The following TEX36 variants were observed in gnomAD, a reference collection of about 807,000 sequenced individuals.
The protein encoded by TEX36 is testis-expressed protein 36.
Under a neutral mutation model 13.6 loss-of-function variants are expected in TEX36, and 12 were observed. The observed-to-expected ratio is 0.88, with a 90% CI of 0.56 to 1.43. The LOEUF (loss-of-function observed/expected upper bound fraction) is 1.43, where lower values mean the gene tolerates loss of function less well. Ranked by LOEUF, TEX36 falls within the 40% of genes most tolerant of loss-of-function variation. The pLI is 0.00. For missense variants in TEX36, 224 were observed against 228.3 expected (o/e 0.98, Z 0.12); for synonymous variants, 93 against 83.0 (o/e 1.12, Z -0.65).
intron 3 of TEX36, among the ~76,000 whole-genome samples, chr10:125,630,459 C>T (rs1362747242): frequency 6.6e-6 from 1 of 152,052 alleles, no homozygotes; most frequent in Non-Finnish European, 1.5e-5. Flanking sequence ...AGCACAGTGG[C>T]TGTGTTGCAA....
chr10:125,578,359 C>T (rs1238286398), intron 3 of TEX36: 2 of 152,300 alleles, frequency 1.3e-5, no homozygotes, highest in East Asian at 3.9e-4. Flanking sequence ...ATCCCTGGGT[C>T]ACACAAGGAT....
intron 3 of TEX36, among the ~76,000 whole-genome samples, chr10:125,614,217 C>T (rs1846327828): frequency 6.6e-6 from 1 of 152,066 alleles, no homozygotes; most frequent in African/African-American, 2.4e-5. Flanking sequence ...AAAATTTTCT[C>T]CCATTTTGTA....
chr10:125,669,169 T>C (rs943886783), intron 1 of TEX36, among the ~76,000 whole-genome samples: 5 of 152,154 alleles, frequency 3.3e-5, no homozygotes, highest in African/African-American at 1.2e-4. Context: ...TGTGCACCTG[T>C]AGTCCCAGCT....
chr10:125,585,563 T>A (rs913007242), intron 3 of TEX36, among the ~76,000 whole-genome samples: 3 of 152,200 alleles, frequency 2.0e-5, no homozygotes, highest in African/African-American at 7.2e-5. Flanking sequence ...GGAAGGTCAC[T>A]CTGATCTCTC....
intron 3 of TEX36, among the ~76,000 whole-genome samples, chr10:125,612,854 A>T (rs998581772): frequency 1.3e-5 from 2 of 152,004 alleles, no homozygotes; most frequent in Non-Finnish European, 2.9e-5. Flanking sequence ...AAATGGCTAG[A>T]TTTCATTTGG....
At chr10:125,624,039 T>C (rs928710610) in intron 3 of TEX36, among the ~76,000 whole-genome samples, 1 of 152,252 alleles carries the variant, frequency 6.6e-6, no homozygotes, top group Non-Finnish European at 1.5e-5. Context: ...TCATTAATTC[T>C]CTATGTCTCT....
intron 3 of TEX36, among the ~76,000 whole-genome samples, chr10:125,590,250 C>G (rs908761336): frequency 5.9e-5 from 9 of 151,978 alleles, no homozygotes; most frequent in African/African-American, 2.2e-4. Flanking sequence ...GCCAGGACTA[C>G]AGGTGAGTGG....
intron 3 of TEX36, among the ~76,000 whole-genome samples, chr10:125,636,355 G>A (rs749463160): frequency 6.6e-5 from 10 of 151,046 alleles, no homozygotes; most frequent in African/African-American, 7.3e-5. Context: ...ACAGGCGCCC[G>A]CTACCACACC....
chr10:125,656,046 T>C lies in TEX36; in HGVS notation c.415A>G (p.Ser139Gly), dbSNP rs1846935516. The C allele has an allele frequency of 1.3e-6, 2 of 1,552,000 alleles. No individual in the cohort carries two copies. The highest frequency in any genetic ancestry group is 1.7e-6 in the Non-Finnish European group (2 of 1,147,068). The change falls in exon 4 of 4, where the codon AGC (serine) becomes GGC (glycine). Residue 139 changes from serine (S) to glycine (G), a missense_variant. Physicochemically the swap from Ser to Gly is moderately conservative, Grantham distance 56. Coordinates refer to ENST00000368821, the MANE Select transcript of TEX36 (RefSeq NM_001128202.3). ...YVYKEAMVVSSFRRFPRCYKE... is the reference protein window; with the variant it reads ...YVYKEAMVVSGFRRFPRCYKE... ...TAGCATCGTGGAAAGCGTCTGAAGC[T>C]TGAGACCACCATGGCTTCTTTATAT...
chr10:125,587,258 G>A (rs535736295), intron 3 of TEX36, among the ~76,000 whole-genome samples: 2 of 152,368 alleles, frequency 1.3e-5, no homozygotes, highest in Non-Finnish European at 2.9e-5. Flanking sequence ...AGAGGCTCAG[G>A]CAGGTGAGTT....
At chr10:125,615,609 AGCCTT>A (rs1181338648) in intron 3 of TEX36, among the ~76,000 whole-genome samples, 4 of 151,378 alleles carry the variant, frequency 2.6e-5, no homozygotes, top group African/African-American at 9.8e-5. Flanking sequence ...ATATTGAACC[AGCCTT>A]GCATCCCAGG....
intron 1 of TEX36, among the ~76,000 whole-genome samples, chr10:125,670,236 C>A (rs1386545721): frequency 6.6e-6 from 1 of 152,222 alleles, no homozygotes; most frequent in Non-Finnish European, 1.5e-5. Context: ...TCCTATTTCT[C>A]CATAGCCTCA....
intron 3 of TEX36, chr10:125,578,138 TC>T (rs1204422739): frequency 2.0e-5 from 3 of 152,176 alleles, no homozygotes; most frequent in African/African-American, 4.8e-5. Flanking sequence ...AACAGTAATT[TC>T]CCAGAGAACC....
intron 3 of TEX36, among the ~76,000 whole-genome samples, chr10:125,636,609 T>TA (rs1398871310): frequency 1.3e-5 from 2 of 152,154 alleles, no homozygotes; most frequent in Non-Finnish European, 2.9e-5. Flanking sequence ...AGTTCACAAA[T>TA]ACGAACTTTC....
downstream of TEX36, among the ~76,000 whole-genome samples, chr10:125,621,161 T>C (rs1376892337): frequency 6.6e-6 from 1 of 152,148 alleles, no homozygotes; most frequent in Non-Finnish European, 1.5e-5. Context: ...TTTGGGGATA[T>C]ATACACTCTG....
chr10:125,648,171 G>A (rs929703995), intron 3 of TEX36, among the ~76,000 whole-genome samples: 1 of 152,206 alleles, frequency 6.6e-6, no homozygotes, highest in African/African-American at 2.4e-5. Context: ...TCCCAGCATG[G>A]GGTTTGAGAT....
intron 2 of TEX36, 35 bp downstream of exon 2, chr10:125,661,811 G>GGAGC: frequency 6.4e-7 from 1 of 1,550,762 alleles, no homozygotes; most frequent in Non-Finnish European, 8.7e-7. Flanking sequence ...GAGGTCCACA[G>GGAGC]GAGCACATGG....
intron 3 of TEX36, among the ~76,000 whole-genome samples, chr10:125,629,725 G>A (rs1273413648): frequency 6.6e-6 from 1 of 152,262 alleles, no homozygotes; most frequent in Non-Finnish European, 1.5e-5. Flanking sequence ...AGCTGGCTGG[G>A]TTTTGAAATG....
chr10:125,619,532 G>A (rs78282717), downstream of TEX36, among the ~76,000 whole-genome samples: 2,417 of 152,120 alleles, frequency 0.016, 67 homozygotes, highest in African/African-American at 0.055. Context: ...AGCTCAGATG[G>A]TGAAGTAATT....
Sources: allele counts gnomAD v4.1 joint callset (sites outside exome capture counted in the v4.1 genomes callset), GRCh38; gene constraint gnomAD v4.1.1; transcripts MANE v1.5; gene names NCBI Gene and HGNC (gene_info 2026-07-23, HGNC 2026-07-21).